SNRPB2: variants seen among roughly 807,000 people sequenced by gnomAD.
SNRPB2 encodes the protein small nuclear ribonucleoprotein polypeptide B2.
SNRPB2 carries 16 observed loss-of-function variants against 26.3 expected under a neutral mutation model. That is an observed-to-expected ratio of 0.61 (90% CI 0.41 to 0.92). The LOEUF is 0.92. SNRPB2 is among the 40% of genes least tolerant of loss of function. The pLI, the probability that SNRPB2 is intolerant of heterozygous loss-of-function variation, is 0.00. For synonymous variants in SNRPB2, 75 were observed against 89.0 expected, an observed-to-expected ratio of 0.84 and a Z score of 0.88; for missense variants, 179 against 268.1, an observed-to-expected ratio of 0.67 and a Z score of 2.32.
chr20:16,738,034 G>A (rs1301196921), intron 4 of SNRPB2, among the ~76,000 whole-genome samples: 2 of 121,810 alleles, frequency 1.6e-5, no homozygotes, highest in Non-Finnish European at 3.3e-5. Flanking sequence ...GTGAGACTCT[G>A]TCTCAAAAAA....
intron 2 of SNRPB2, 71 bp downstream of exon 2, chr20:16,731,837 G>T: frequency 6.3e-7 from 1 of 1,596,110 alleles, no homozygotes; most frequent in African/African-American, 1.3e-5. Flanking sequence ...AAATTGTACT[G>T]CCTCAAAACC....
At chr20:16,735,712 T>G (rs1161776651) in intron 3 of SNRPB2, among the ~76,000 whole-genome samples, 1 of 152,250 alleles carries the variant, frequency 6.6e-6, no homozygotes, top group African/African-American at 2.4e-5. Flanking sequence ...TTGTAACTGT[T>G]GCCTCTTGGT....
Position 16,740,358 on chromosome 20 carries a change from C to T in SNRPB2, c.463C>T (p.Leu155Phe). 2 of 1,611,626 alleles carry T rather than the reference C, an allele frequency of 1.2e-6. No individual in the cohort carries two copies. The highest frequency in any genetic ancestry group is 1.7e-6 in the Non-Finnish European group (2 of 1,178,794). Residue 155 changes from leucine to phenylalanine, a missense_variant, in exon 6 of 7, where the codon CTT (leucine) becomes TTT (phenylalanine). Coordinates refer to ENST00000246071, the MANE Select transcript of SNRPB2 (RefSeq NM_003092.5). The part of the protein sequence containing the change: ...PDYPPNYILF[L>F]NNLPEETNEM... ...TTACCCTCCAAACTATATTTTATTC[C>T]TTAATAACTTACCAGAAGAGACTAA...
chr20:16,730,874 C>G (rs1476676395), intron 1 of SNRPB2: 1 of 152,240 alleles, frequency 6.6e-6, no homozygotes, highest in Non-Finnish European at 1.5e-5. Flanking sequence ...TGCTTATTAG[C>G]TGTGTGACCT....
chr20:16,735,006 C>G (rs2072416024), intron 3 of SNRPB2, among the ~76,000 whole-genome samples: 1 of 152,140 alleles, frequency 6.6e-6, no homozygotes, highest in African/African-American at 2.4e-5. Context: ...GCAAGACTAG[C>G]AGAGTTGCAT....
chr20:16,733,551 TTTTTCTG>T (rs1013315296), intron 3 of SNRPB2, among the ~76,000 whole-genome samples: 2 of 152,248 alleles, frequency 1.3e-5, no homozygotes, highest in Non-Finnish European at 2.9e-5. Flanking sequence ...ATTGTGATTT[TTTTTCTG>T]CATTACAGGT....
intron 3 of SNRPB2, among the ~76,000 whole-genome samples, chr20:16,734,090 G>A (rs2072410256): frequency 6.6e-6 from 1 of 152,166 alleles, no homozygotes; most frequent in South Asian, 2.1e-4. Context: ...GAGTTGAGAT[G>A]ACAAGTTTGC....
intron 4 of SNRPB2, 95 bp from the exon 5 acceptor site, chr20:16,738,757 T>G (rs1292135203): frequency 1.4e-6 from 1 of 729,166 alleles, no homozygotes; most frequent in Non-Finnish European, 2.5e-6. Context: ...CTCTTGGAAT[T>G]AATGTTATTT....
chr20:16,735,956 T>A (rs578012006), intron 3 of SNRPB2, among the ~76,000 whole-genome samples: 1 of 152,370 alleles, frequency 6.6e-6, no homozygotes, highest in South Asian at 2.1e-4. Context: ...ATGCTTCTAT[T>A]GAGAGTCACT....
intron 3 of SNRPB2, among the ~76,000 whole-genome samples, chr20:16,735,752 C>T (rs1434389755): frequency 6.6e-6 from 1 of 152,222 alleles, no homozygotes; most frequent in Non-Finnish European, 1.5e-5. Context: ...GCAAGTGGTC[C>T]AGTCACATTA....
At chr20:16,736,304 A>C (rs115974665) in intron 3 of SNRPB2, among the ~76,000 whole-genome samples, 1,584 of 150,944 alleles carry the variant, frequency 0.01, 32 homozygotes, top group African/African-American at 0.037. Flanking sequence ...TTGGAAGAGG[A>C]GGGGTGGGGT....
rs1481078123 is a variant in SNRPB2 at position 16,737,271 on chromosome 20, A to G, written c.248A>G (p.Tyr83Cys). Reference sequence around the variant, plus strand: ...AAATAATTAAAACAGCGAATACAGTATGCAAAAACAGATTCGGATATAATA... The same window carrying G: ...AAATAATTAAAACAGCGAATACAGTGTGCAAAAACAGATTCGGATATAATA... The part of the protein sequence containing the change: ...PFYGKPMRIQ[Y>C]AKTDSDIISK... Residue 83 changes from tyrosine (Y) to cysteine (C), a missense_variant, in exon 4 of 7, where the codon TAT (tyrosine) becomes TGT (cysteine). Around this residue, in one of 2 missense-constraint regions of SNRPB2, gnomAD observed 145 missense variants for 180.7 expected, o/e 0.80. Transcript: ENST00000246071. 2 of 1,593,348 alleles carry G rather than the reference A, an allele frequency of 1.3e-6. No individual in the cohort carries two copies. The highest frequency in any genetic ancestry group is 1.7e-6 in the Non-Finnish European group (2 of 1,174,140).
chr20:16,734,738 A>G lies in SNRPB2; in HGVS notation c.237+2402A>G, dbSNP rs564209139. Among the ~76,000 whole-genome samples the G allele has an allele frequency of 1.1e-4, 17 of 152,324 alleles. No homozygotes were observed. The South Asian group carries it at 2.3e-3, about 20-fold the overall frequency. On this transcript the variant is annotated intron_variant, in intron 3 of 6. Transcript: ENST00000246071. ...ATAACAACGAGTAATGTCTCCAGCT[A>G]GTGCTAGCTGTGCTCTGACAGACAA...
intron 2 of SNRPB2, among the ~76,000 whole-genome samples, 197 bp from the exon 3 acceptor site, chr20:16,731,967 C>T (rs576718092): frequency 2.6e-5 from 4 of 152,114 alleles, no homozygotes; most frequent in African/African-American, 7.2e-5. Context: ...TGTTTCTACT[C>T]ATAGATATAA....
Position 16,731,874 on chromosome 20 carries a change from A to C in SNRPB2, c.64+108A>C, listed in dbSNP as rs533717322. On this transcript the variant is annotated intron_variant, in intron 2 of 6. Transcript: ENST00000246071. ...CTTACCTCATCATCTTAGTGCCTGAAATAATGGTTTATCCCATTTCCTATA... is the reference window on the plus strand; with the variant it reads ...CTTACCTCATCATCTTAGTGCCTGACATAATGGTTTATCCCATTTCCTATA... 5.3e-6 allele frequency: 8 copies of C among 1,515,674 alleles called. No homozygotes were observed. The South Asian group carries it at 1.0e-4, about 19-fold the overall frequency. 93.9% of individuals were successfully genotyped at this position (1,515,674 alleles called of 1,614,324 possible). A position where few individuals can be genotyped will look rare whatever the true frequency, so the allele number is the denominator to read the frequency against.
intron 4 of SNRPB2, among the ~76,000 whole-genome samples, chr20:16,737,818 C>G (rs866655053): frequency 6.6e-6 from 1 of 151,790 alleles, no homozygotes; most frequent in Non-Finnish European, 1.5e-5. Context: ...AGGAGGATCA[C>G]GAAGTCAGGA....
intron 3 of SNRPB2, among the ~76,000 whole-genome samples, chr20:16,732,981 G>C (rs1300976348): frequency 1.3e-5 from 2 of 152,152 alleles, no homozygotes; most frequent in African/African-American, 4.8e-5. Context: ...ATCAGATAAG[G>C]GTGACCACAG....
rs1370082966 is a variant in SNRPB2, at chr20:16,737,296, A to G, written c.273A>G (p.Ile91Met). 3.1e-6 allele frequency: 5 copies of G among 1,603,572 alleles called. No homozygotes were observed. Among genetic ancestry groups the G allele is most frequent in the Admixed American group, 1.7e-5 (1 of 57,558 alleles). Residue 91 changes from isoleucine (I) to methionine (M), a missense_variant, in exon 4 of 7, where the codon ATA becomes ATG. Ile to Met is a conservative substitution (Grantham distance 10, BLOSUM62 1). This residue lies in a region of SNRPB2 where 145 missense variants were observed against 180.7 expected (regional missense o/e 0.80). Transcript: ENST00000246071. The stretch of plus-strand genomic sequence containing the variant: ...ATGCAAAAACAGATTCGGATATAAT[A>G]TCAAAAATGCGTGGAACTTTTGCTG... ...IQYAKTDSDI[I>M]SKMRGTFADK...
At chr20:16,740,823 T>C in intron 6 of SNRPB2, 23 bp from the exon 7 acceptor site, 42 of 1,573,522 alleles carry the variant, frequency 2.7e-5, no homozygotes, top group Non-Finnish European at 3.7e-5. Flanking sequence ...GCTGTATACA[T>C]GAATTGTTTT....
Sources: allele counts gnomAD v4.1 joint callset (sites outside exome capture counted in the v4.1 genomes callset), GRCh38; gene constraint gnomAD v4.1.1; regional missense constraint gnomAD v4.1.1; transcripts MANE v1.5; gene names NCBI Gene and HGNC (gene_info 2026-07-23, HGNC 2026-07-21).